The following MUC3A variants were observed in gnomAD, a reference collection of about 807,000 sequenced individuals.
MUC3A encodes the protein mucin 3A, cell surface associated.
MUC3A carries 109 observed loss-of-function variants against 109.0 expected under a neutral mutation model. The observed-to-expected ratio is 1.00, with a 90% confidence interval of 0.86 to 1.17. MUC3A has a LOEUF of 1.17. Ranked by LOEUF, MUC3A falls within the 50% of genes most tolerant of loss-of-function variation. MUC3A has a pLI of 0.00. For missense variants in MUC3A, 3,537 were observed against 2,469.4 expected (o/e 1.43, Z -9.16); for synonymous variants, 1,398 against 981.4 (o/e 1.42, Z -7.93).
chr7:100,952,350 T>A lies in MUC3A; in HGVS notation c.571T>A (p.Ser191Thr), dbSNP rs770571972. The A allele has an allele frequency of 6.3e-7, 1 of 1,598,518 alleles. No individual in the cohort carries two copies. Among genetic ancestry groups the A allele is most frequent in the South Asian group, 1.1e-5 (1 of 91,088 alleles). ...AACGTCAGCCATGACATCTTCTCCC[T>A]CTACCACCACTGCAAGGGAAACTCC... Reference protein sequence around the residue: ...KGTSAMTSSPSTTTARETPIV... With the variant: ...KGTSAMTSSPTTTTARETPIV... The change falls in exon 2 of 12, where the codon TCT (serine) becomes ACT (threonine). Residue 191 changes from serine (S) to threonine (T), a missense_variant. Coordinates refer to ENST00000379458, the MANE Select transcript of MUC3A (RefSeq NM_005960.2).
chr7:100,966,267 G>GAACCCCCCAGCTTGCCCTAGGGTGGA, intron 8 of MUC3A, 119 bp from the exon 9 acceptor site: 1 of 1,150,168 alleles, frequency 8.7e-7, no homozygotes, highest in Non-Finnish European at 1.1e-6. Flanking sequence ...GTCTAGGGTG[G>GAACCCCCCAGCTTGCCCTAGGGTGGA]AACCCCCCGC....
In MUC3A at chr7:100,960,745, T is replaced by C; in HGVS notation, c.8867-7T>C. 1.3e-6 allele frequency: 2 copies of C among 1,596,086 alleles called. No individual in the cohort carries two copies. Among genetic ancestry groups the C allele is most frequent in the Non-Finnish European group, 1.7e-6 (2 of 1,178,696 alleles). On this transcript the variant is annotated splice_region_variant and splice_polypyrimidine_tract_variant and intron_variant, in intron 2 of 11. Coordinates refer to ENST00000379458, the MANE Select transcript of MUC3A (RefSeq NM_005960.2). ...CCTGAGCTTCCCTTTCTTTCTGTGT[T>C]TTCCAGGCACCTGTGACAATGGTGG...
At chr7:100,962,835 T>TTCTTTTC (rs1792382805) in intron 3 of MUC3A, among the ~76,000 whole-genome samples, 1 of 6,282 alleles carries the variant, frequency 1.6e-4, no homozygotes, top group Non-Finnish European at 3.5e-4. Flanking sequence ...CTTTCTTTCT[T>TTCTTTTC]TTTCTCTCTC....
In MUC3A at chr7:100,959,281, C is replaced by G; in HGVS notation, c.7502C>G (p.Thr2501Ser). ...ACCCCTTCGTCTGTGGGCACCAGCACTTCATTGACTACAACCACAGACTTT... is the reference window on the plus strand; with the variant it reads ...ACCCCTTCGTCTGTGGGCACCAGCAGTTCATTGACTACAACCACAGACTTT... ...TLTPSSVGTS[T>S]SLTTTTDFPS... is the part of the protein sequence containing the mutation. Residue 2501 changes from threonine (T) to serine (S), a missense_variant, in exon 2 of 12, where the codon ACT (threonine) becomes AGT (serine). Transcript: ENST00000379458. The G allele has an allele frequency of 6.3e-7, 1 of 1,589,812 alleles. No homozygotes were observed. Among genetic ancestry groups the G allele is most frequent in the African/African-American group, 1.3e-5 (1 of 74,970 alleles).
chr7:100,966,315 G>C, intron 8 of MUC3A, 71 bp from the exon 9 acceptor site: 1 of 1,213,306 alleles, frequency 8.2e-7, no homozygotes, highest in Non-Finnish European at 1.0e-6. Flanking sequence ...ACCCGCCCCC[G>C]CGGGGCCCAG....
intron 7 of MUC3A, 105 bp from the exon 8 acceptor site, chr7:100,965,599 C>A (rs1210946834): frequency 1.2e-5 from 19 of 1,520,230 alleles, no homozygotes; most frequent in Non-Finnish European, 1.7e-5. Context: ...CATCCCACCT[C>A]GGAAATGGAA....
rs753905164 is a variant in MUC3A, at chr7:100,952,299, T to A, written c.520T>A (p.Tyr174Asn). 1 of 1,598,522 alleles carries A rather than the reference T, an allele frequency of 6.3e-7. No individual in the cohort carries two copies. The highest frequency in any genetic ancestry group is 1.1e-5 in the South Asian group (1 of 91,092). The change falls in exon 2 of 12, where the codon TAC (tyrosine) becomes AAC (asparagine). Residue 174 changes from tyrosine (Y) to asparagine (N), a missense_variant. Coordinates refer to ENST00000379458, the MANE Select transcript of MUC3A (RefSeq NM_005960.2). Reference sequence around the variant, plus strand: ...GCCAGTGACCACCGTCACCAGTACTTACTCTATGACCACTACTGAGAAAGG... The same window carrying A: ...GCCAGTGACCACCGTCACCAGTACTAACTCTATGACCACTACTGAGAAAGG... ...QKPVTTVTST[Y>N]SMTTTEKGTS... is the part of the protein sequence containing the mutation.
chr7:100,965,447 G>A (rs10251045), intron 7 of MUC3A, 100 bp downstream of exon 7: 774 of 1,514,494 alleles, frequency 5.1e-4, no homozygotes, highest in Non-Finnish European at 6.5e-4. Context: ...GAGACCTTTG[G>A]GGGAGGCAAG....
chr7:100,955,424 T>A lies in MUC3A; in HGVS notation c.3645T>A (p.Thr1215=). 1 of 603,192 alleles carries A rather than the reference T, an allele frequency of 1.7e-6. No individual in the cohort carries two copies. Among genetic ancestry groups the A allele is most frequent in the Non-Finnish European group, 2.9e-6 (1 of 340,818 alleles). The allele number at this position is 603,192 out of a possible 1,614,324, so 37.4% of individuals were successfully genotyped here. The change falls in exon 2 of 12, where the codon ACT becomes ACA. Residue 1215 remains threonine, a synonymous_variant. Coordinates refer to ENST00000379458, the MANE Select transcript of MUC3A (RefSeq NM_005960.2). ...YPSVGSTGFL[T]TATDLTSTFT... ...CTGTGGGCTCTACCGGTTTCCTGAC[T>A]ACAGCAACAGACCTCACATCAACAT... is the stretch of plus-strand genomic sequence containing the variant.
At position 100,959,469 on chromosome 7, in the gene MUC3A, A is replaced by C; in HGVS notation, c.7690A>C (p.Ser2564Arg). 15 of 1,574,820 alleles carry C rather than the reference A, an allele frequency of 9.5e-6. No homozygotes were observed. Among genetic ancestry groups the C allele is most frequent in the Non-Finnish European group, 1.3e-5 (15 of 1,170,000 alleles). ...TLRITENTPI[S>R]SFSTSIVVIP... ...CAGAATTACTGAGAACACCCCAATCAGTTCCTTTAGCACAAGTATTGTTGT... is the reference window on the plus strand; with the variant it reads ...CAGAATTACTGAGAACACCCCAATCCGTTCCTTTAGCACAAGTATTGTTGT... Residue 2564 changes from serine (S) to arginine (R), a missense_variant, in exon 2 of 12, where the codon AGT becomes CGT. Transcript: ENST00000379458.
At chr7:100,965,446 G>A in intron 7 of MUC3A, 99 bp downstream of exon 7, 3 of 1,529,006 alleles carry the variant, frequency 2.0e-6, no homozygotes, top group East Asian at 2.4e-5. Context: ...AGAGACCTTT[G>A]GGGGAGGCAA....
chr7:100,957,525 A>AC lies in MUC3A; in HGVS notation c.5751dup (p.Ser1918LeufsTer100). On this transcript the variant is annotated frameshift_variant, in exon 2 of 12. Coordinates refer to ENST00000379458, the MANE Select transcript of MUC3A (RefSeq NM_005960.2). LOFTEE classifies it high-confidence loss of function. ...CACTTCTTCAATCGCAACCACCGAG[A>AC]CCCCCTCACACAGTACTCCCAGATT... 6.5e-7 allele frequency: 1 copy of AC among 1,544,152 alleles called. No homozygotes were observed. The highest frequency in any genetic ancestry group is 8.7e-7 in the Non-Finnish European group (1 of 1,148,042).
At position 100,958,090 on chromosome 7, in the gene MUC3A, C is replaced by A; in HGVS notation, c.6311C>A (p.Ser2104Ter). 7.0e-7 allele frequency: 1 copy of A among 1,426,800 alleles called. No homozygotes were observed. The highest frequency in any genetic ancestry group is 9.7e-7 in the Non-Finnish European group (1 of 1,026,226). 88.4% of individuals were successfully genotyped at this position (1,426,800 alleles called of 1,614,324 possible). Residue 2104 changes from serine (S) to a stop codon, truncating the protein, a stop_gained, in exon 2 of 12, where the codon TCA becomes TAA. Coordinates refer to ENST00000379458, the MANE Select transcript of MUC3A (RefSeq NM_005960.2). LOFTEE classifies it high-confidence loss of function. ...TSSITTTETT[S>*]HSTPSFTSSI... Reference sequence around the variant, plus strand: ...TCAATCACCACCACTGAGACCACCTCACACAGTACTCCCAGCTTCACTTCC... The same window carrying A: ...TCAATCACCACCACTGAGACCACCTAACACAGTACTCCCAGCTTCACTTCC...
At chr7:100,964,642 A>G in intron 5 of MUC3A, 53 bp from the exon 6 acceptor site, 1 of 1,558,586 alleles carries the variant, frequency 6.4e-7, no homozygotes. Flanking sequence ...GTGCCCCTCC[A>G]AGGACCCATA....
chr7:100,953,203 C>T lies in MUC3A; in HGVS notation c.1424C>T (p.Ser475Phe), dbSNP rs1264237857. 3 of 596,756 alleles carry T rather than the reference C, an allele frequency of 5.0e-6. No individual in the cohort carries two copies. The Admixed American group carries it at 9.3e-5, about 18-fold the overall frequency. 37.0% of individuals were successfully genotyped at this position (596,756 alleles called of 1,614,324 possible). ...ATDLTSTFTV[S>F]SSSAMSTSVI... is the part of the protein sequence containing the mutation. ...GACCTCACATCAACATTCACGGTTTCCAGTTCCTCAGCAATGTCCACGAGT... is the reference window on the plus strand; with the variant it reads ...GACCTCACATCAACATTCACGGTTTTCAGTTCCTCAGCAATGTCCACGAGT... The change falls in exon 2 of 12, where the codon TCC becomes TTC. Residue 475 changes from serine to phenylalanine, a missense_variant. Coordinates refer to ENST00000379458, the MANE Select transcript of MUC3A (RefSeq NM_005960.2).
chr7:100,960,912 G>A lies in MUC3A; in HGVS notation c.9027G>A (p.Glu3009=), dbSNP rs1410527840. The stretch of plus-strand genomic sequence containing the variant: ...GCACCTTCTATGGTTCCAGTTGTGA[G>A]TTTGCTGTGGAACAGGTGGATCTAG... The part of the protein sequence containing the change: ...CPSTFYGSSC[E]FAVEQVDLDV... Residue 3009 remains glutamate (E), a synonymous_variant, in exon 3 of 12, where the codon GAG becomes GAA. Coordinates refer to ENST00000379458, the MANE Select transcript of MUC3A (RefSeq NM_005960.2). 3.8e-6 allele frequency: 6 copies of A among 1,598,412 alleles called. No individual in the cohort carries two copies. The highest frequency in any genetic ancestry group is 2.2e-5 in the South Asian group (2 of 91,096).
chr7:100,954,872 A>G lies in MUC3A; in HGVS notation c.3093A>G (p.Thr1031=). 2.1e-6 allele frequency: 1 copy of G among 472,094 alleles called. No homozygotes were observed. The highest frequency in any genetic ancestry group is 3.7e-6 in the Non-Finnish European group (1 of 269,748). The allele number at this position is 472,094 out of a possible 1,614,324, so 29.2% of individuals were successfully genotyped here. ...TSMRTTTYWP[T]ATNTLSPLTS... ...TGAGAACTACAACCTATTGGCCCAC[A>G]GCCACTAATACATTATCACCACTCA... Residue 1031 remains threonine, a synonymous_variant, in exon 2 of 12, where the codon ACA becomes ACG. Coordinates refer to ENST00000379458, the MANE Select transcript of MUC3A (RefSeq NM_005960.2).
chr7:100,967,552 T>G lies in MUC3A; in HGVS notation c.*390T>G. On this transcript the variant is annotated 3_prime_UTR_variant, in exon 12 of 12. Coordinates refer to ENST00000379458, the MANE Select transcript of MUC3A (RefSeq NM_005960.2). ...TGTTGCCATTGCCTCTCTCGGATCC[T>G]CCAATCCTCACGTCCTTCACCTGGT... 1 of 451,846 alleles carries G rather than the reference T, an allele frequency of 2.2e-6. No homozygotes were observed. The allele number at this position is 451,846 out of a possible 1,614,324, so 28.0% of individuals were successfully genotyped here.
At chr7:100,950,500 A>AGCC (rs1483469735) in intron 1 of MUC3A, among the ~76,000 whole-genome samples, 1 of 650 alleles carries the variant, frequency 1.5e-3, no homozygotes, top group Non-Finnish European at 3.5e-3. Flanking sequence ...CAAGGGCTGT[A>AGCC]GCCTGGGGAT....
Sources: allele counts gnomAD v4.1 joint callset (sites outside exome capture counted in the v4.1 genomes callset), GRCh38; gene constraint gnomAD v4.1.1; transcripts MANE v1.5; gene names NCBI Gene and HGNC (gene_info 2026-07-23, HGNC 2026-07-21).